The following BHLHE41 variants were observed in gnomAD, a reference collection of about 807,000 sequenced individuals.
BHLHE41 encodes the protein basic helix-loop-helix family member e41.
Under a neutral mutation model 24.0 loss-of-function variants are expected in BHLHE41, and 14 were observed. The ratio of observed to expected loss-of-function variants is 0.58; its 90% CI spans 0.39 to 0.91. The LOEUF (loss-of-function observed/expected upper bound fraction) is 0.91. Among genes scored for constraint, BHLHE41 ranks in the 40% least tolerant of loss-of-function variants. The probability of loss-of-function intolerance (pLI) is 0.00; values close to 1 mark genes in which losing one functional copy is unlikely to be tolerated. For synonymous variants in BHLHE41, 394 were observed against 315.5 expected (o/e 1.25, Z -2.64); for missense variants, 674 against 655.4 (o/e 1.03, Z -0.31).
rs1944308808 is a variant in BHLHE41, at chr12:26,121,929, A to C, written c.*137T>G. 1 of 1,534,038 alleles carries C rather than the reference A, an allele frequency of 6.5e-7. No homozygotes were observed. The highest frequency in any genetic ancestry group is 1.2e-5 in the South Asian group (1 of 82,696). On this transcript the variant is annotated 3_prime_UTR_variant, in exon 5 of 5. Coordinates refer to ENST00000242728, the MANE Select transcript of BHLHE41 (RefSeq NM_030762.3). ...AACACCTGTTTTGTTGTTCTTGTTT[A>C]TGCCTGTCGTGCATCTATTACACTT...
chr12:26,124,872 G>T lies in BHLHE41; in HGVS notation c.-93C>A. On this transcript the variant is annotated 5_prime_UTR_variant, in exon 1 of 5. Transcript: ENST00000242728. The stretch of plus-strand genomic sequence containing the variant: ...GGCTTGGGAGACCTTGGGGGGATCT[G>T]TGCGTCTCCAGTCTCTCTCTCGCTC... The T allele has an allele frequency of 8.1e-7, 1 of 1,237,578 alleles. No homozygotes were observed. Among genetic ancestry groups the T allele is most frequent in the Non-Finnish European group, 1.2e-6 (1 of 842,616 alleles). The allele number at this position is 1,237,578 out of a possible 1,614,324, so 76.7% of individuals were successfully genotyped here.
chr12:26,120,524 A>G lies in BHLHE41; in HGVS notation c.*1542T>C, dbSNP rs1213132338. Reference sequence around the variant, plus strand: ...CAACTTTTCAGCAAATCCTCCCCAAAAGATATTTTAACTCAAAATATCATT... The same window carrying G: ...CAACTTTTCAGCAAATCCTCCCCAAGAGATATTTTAACTCAAAATATCATT... On this transcript the variant is annotated 3_prime_UTR_variant, in exon 5 of 5. Coordinates refer to ENST00000242728, the MANE Select transcript of BHLHE41 (RefSeq NM_030762.3). 1.3e-5 allele frequency: 2 copies of G among 152,646 alleles called. No homozygotes were observed. The highest frequency in any genetic ancestry group is 4.8e-5 in the African/African-American group (2 of 41,454). The allele number at this position is 152,646 out of a possible 1,614,324, so 9.5% of individuals were successfully genotyped here. A position where few individuals can be genotyped will look rare whatever the true frequency, so the allele number is the denominator to read the frequency against.
At position 26,121,557 on chromosome 12, in the gene BHLHE41, T is replaced by G. The variant is rs1195923701; in HGVS notation, c.*509A>C. 5 of 153,552 alleles carry G rather than the reference T, an allele frequency of 3.3e-5. No individual in the cohort carries two copies. Among genetic ancestry groups the G allele is most frequent in the African/African-American group, 1.2e-4 (5 of 41,450 alleles). The allele number at this position is 153,552 out of a possible 1,614,324, so 9.5% of individuals were successfully genotyped here. On this transcript the variant is annotated 3_prime_UTR_variant, in exon 5 of 5. Coordinates refer to ENST00000242728, the MANE Select transcript of BHLHE41 (RefSeq NM_030762.3). ...CTCAATCTGTTTGTGGAACGCCTCCTAAAACAGGCAGGGCAGCTTTGAGAA... is the reference window on the plus strand; with the variant it reads ...CTCAATCTGTTTGTGGAACGCCTCCGAAAACAGGCAGGGCAGCTTTGAGAA...
Position 26,121,891 on chromosome 12 carries a change from C to G in BHLHE41, c.*175G>C, listed in dbSNP as rs1047946880. The G allele has an allele frequency of 2.7e-6, 4 of 1,488,246 alleles. No individual in the cohort carries two copies. Among genetic ancestry groups the G allele is most frequent in the African/African-American group, 1.4e-5 (1 of 71,262 alleles). The allele number at this position is 1,488,246 out of a possible 1,614,324, so 92.2% of individuals were successfully genotyped here. ...TGCGGGATGAGCAAAACAGGAACTC[C>G]GAATGTACACATAACACCTGTTTTG... On this transcript the variant is annotated 3_prime_UTR_variant, in exon 5 of 5. Coordinates refer to ENST00000242728, the MANE Select transcript of BHLHE41 (RefSeq NM_030762.3).
chr12:26,123,855 T>G lies in BHLHE41; in HGVS notation c.235-114A>C, dbSNP rs1944337167. ...AGCAAACACTTTGAAAGAAGTACTG[T>G]TCTTTTACTTCTTGAGCTTTCCACA... On this transcript the variant is annotated intron_variant, in intron 3 of 4. Coordinates refer to ENST00000242728, the MANE Select transcript of BHLHE41 (RefSeq NM_030762.3). The G allele has an allele frequency of 6.2e-6, 5 of 811,896 alleles. No individual in the cohort carries two copies. The Admixed American group carries it at 9.1e-5, about 15-fold the overall frequency. The allele number at this position is 811,896 out of a possible 1,614,324, so 50.3% of individuals were successfully genotyped here.
chr12:26,124,636 G>A (rs375142532), intron 1 of BHLHE41, 54 bp from the exon 2 acceptor site: 358 of 1,609,772 alleles, frequency 2.2e-4, no homozygotes, highest in Non-Finnish European at 2.9e-4. Context: ...CTCTGCCCTC[G>A]CCAGCTCCAT....
chr12:26,122,953 T>G lies in BHLHE41; in HGVS notation c.562A>C (p.Lys188Gln). 1 of 1,557,470 alleles carries G rather than the reference T, an allele frequency of 6.4e-7. No individual in the cohort carries two copies. Among genetic ancestry groups the G allele is most frequent in the Non-Finnish European group, 8.7e-7 (1 of 1,150,260 alleles). The change falls in exon 5 of 5, where the codon AAA (lysine) becomes CAA (glutamine). Residue 188 changes from lysine to glutamine, a missense_variant. Transcript: ENST00000242728. ...GCGGCCGAGGGAGCGCCGGTGCCTT[T>G]GCTCAGAGGGACCTGTTGAGTCAAC... is the stretch of plus-strand genomic sequence containing the variant. Reference protein sequence around the residue: ...QLLTQQVPLSKGTGAPSAAGS... With the variant: ...QLLTQQVPLSQGTGAPSAAGS...
At position 26,121,843 on chromosome 12, in the gene BHLHE41, T is replaced by G; in HGVS notation, c.*223A>C. ...AGCTGGTGGGGGGAAGAAAGGGATG[T>G]TAGTGTGTGGAGGGTGGGGTGGTGC... On this transcript the variant is annotated 3_prime_UTR_variant, in exon 5 of 5. Transcript: ENST00000242728. The G allele has an allele frequency of 1.9e-6, 2 of 1,028,984 alleles. No individual in the cohort carries two copies. The highest frequency in any genetic ancestry group is 1.6e-5 in the African/African-American group (1 of 61,472). 63.7% of individuals were successfully genotyped at this position (1,028,984 alleles called of 1,614,324 possible). A position where few individuals can be genotyped will look rare whatever the true frequency, so the allele number is the denominator to read the frequency against.
rs1944311030 is a variant in BHLHE41, at chr12:26,122,100, T to C, written c.1415A>G (p.Glu472Gly). The change falls in exon 5 of 5, where the codon GAA becomes GGA. Residue 472 changes from glutamate to glycine, a missense_variant. Physicochemically the swap from Glu to Gly is moderately conservative, Grantham distance 98. Around this residue, in one of 3 missense-constraint regions of BHLHE41, gnomAD observed 602 missense variants for 570.8 expected, o/e 1.05. Transcript: ENST00000242728. Reference sequence around the variant, plus strand: ...TTCCTTTCCTGGCTGCGAGGGATCTTCCTGAGCAGAGCTCTCCGGGTTCCC... The same window carrying C: ...TTCCTTTCCTGGCTGCGAGGGATCTCCCTGAGCAGAGCTCTCCGGGTTCCC... The part of the protein sequence containing the change: ...EPGNPESSAQ[E>G]DPSQPGKEAP 2 of 1,549,416 alleles carry C rather than the reference T, an allele frequency of 1.3e-6. No individual in the cohort carries two copies. Among genetic ancestry groups the C allele is most frequent in the Admixed American group, 2.0e-5 (1 of 50,968 alleles).
Position 26,122,698 on chromosome 12 carries a change from C to T in BHLHE41, c.817G>A (p.Asp273Asn). The T allele has an allele frequency of 6.4e-7, 1 of 1,567,598 alleles. No homozygotes were observed. The highest frequency in any genetic ancestry group is 8.6e-7 in the Non-Finnish European group (1 of 1,162,078). The change falls in exon 5 of 5, where the codon GAC becomes AAC. Residue 273 changes from aspartate to asparagine, a missense_variant. Coordinates refer to ENST00000242728, the MANE Select transcript of BHLHE41 (RefSeq NM_030762.3). ...TTCATCCTCTTGGGCGCCGGCGAGT[C>T]CTCCCCGGGAGGCTCCTGCTTGATG... ...VTIKQEPPGE[D>N]SPAPKRMKLD...
chr12:26,122,222 C>CGCG lies in BHLHE41; in HGVS notation c.1290_1292dup (p.Ala431dup), dbSNP rs1375835308. 630 of 1,302,010 alleles carry CGCG rather than the reference C, an allele frequency of 4.8e-4. No individual in the cohort carries two copies. The highest frequency in any genetic ancestry group is 9.2e-4 in the Admixed American group (22 of 23,820). The allele number at this position is 1,302,010 out of a possible 1,614,324, so 80.7% of individuals were successfully genotyped here. On this transcript the variant is annotated inframe_insertion, in exon 5 of 5. Transcript: ENST00000242728. ...GCGCCACCTCGTGCGGCAGGAGGGT[C>CGCG]GCGGCGGCGGCGCCCGCCTTCTCGG... is the stretch of plus-strand genomic sequence containing the variant.
At chr12:26,123,258 C>A (rs1944331259) in intron 4 of BHLHE41, 90 bp from the exon 5 acceptor site, 3 of 1,438,566 alleles carry the variant, frequency 2.1e-6, no homozygotes, top group Non-Finnish European at 2.8e-6. Flanking sequence ...ATCACGTGGG[C>A]CCTGCATCGA....
chr12:26,122,519 G>A lies in BHLHE41; in HGVS notation c.996C>T (p.Gly332=). The A allele has an allele frequency of 1.6e-6, 2 of 1,289,656 alleles. No individual in the cohort carries two copies. Among genetic ancestry groups the A allele is most frequent in the South Asian group, 1.9e-5 (1 of 52,456 alleles). 79.9% of individuals were successfully genotyped at this position (1,289,656 alleles called of 1,614,324 possible). A position where few individuals can be genotyped will look rare whatever the true frequency, so the allele number is the denominator to read the frequency against. The change falls in exon 5 of 5, where the codon GGC becomes GGT. Residue 332 remains glycine (G), a synonymous_variant. Coordinates refer to ENST00000242728, the MANE Select transcript of BHLHE41 (RefSeq NM_030762.3). ...LLSSLVAFGG[G]GGAPFPQPAA... The stretch of plus-strand genomic sequence containing the variant: ...CGGGCTGCGGGAAGGGCGCGCCTCC[G>A]CCTCCGCCGAACGCCACCAGCGAGC...
In BHLHE41 at chr12:26,121,959, C is replaced by T; in HGVS notation, c.*107G>A. ...TGTCGTGCATCTATTACACTTCCTC[C>T]CTTAAAGACCTTAAGGGTATTTTAA... On this transcript the variant is annotated 3_prime_UTR_variant, in exon 5 of 5. Coordinates refer to ENST00000242728, the MANE Select transcript of BHLHE41 (RefSeq NM_030762.3). The T allele has an allele frequency of 2.0e-6, 3 of 1,537,510 alleles. 1 individual carries two copies. Among genetic ancestry groups the T allele is most frequent in the South Asian group, 2.4e-5 (2 of 83,122 alleles).
At chr12:26,123,516 G>C (rs1402095914) in intron 4 of BHLHE41, 114 bp downstream of exon 4, 10 of 824,512 alleles carry the variant, frequency 1.2e-5, no homozygotes, top group Non-Finnish European at 2.1e-5. Context: ...CAAATGAGAG[G>C]GAACCCATGA....
Position 26,122,345 on chromosome 12 carries a change from G to T in BHLHE41, c.1170C>A (p.Pro390=). The T allele has an allele frequency of 8.5e-7, 1 of 1,173,274 alleles. No individual in the cohort carries two copies. The allele number at this position is 1,173,274 out of a possible 1,614,324, so 72.7% of individuals were successfully genotyped here. ...CGGCTGCCGCCGGGGCGGGGATGCC[G>T]GGGTATAGCAGCGGGAACGGGGCGG... is the stretch of plus-strand genomic sequence containing the variant. ...AAAAPFPLLY[P]GIPAPAAAAA... Residue 390 remains proline, a synonymous_variant, in exon 5 of 5, where the codon CCC becomes CCA. Coordinates refer to ENST00000242728, the MANE Select transcript of BHLHE41 (RefSeq NM_030762.3).
In BHLHE41 at chr12:26,124,791, G is replaced by T; in HGVS notation, c.-12C>A. On this transcript the variant is annotated 5_prime_UTR_variant, in exon 1 of 5. Coordinates refer to ENST00000242728, the MANE Select transcript of BHLHE41 (RefSeq NM_030762.3). ...ATTCCTTCGTCCATGTTCAACTGCT[G>T]TTCGTTTCCTCTGTTTCGATTTTTG... 1 of 1,614,154 alleles carries T rather than the reference G, an allele frequency of 6.2e-7. No individual in the cohort carries two copies. Among genetic ancestry groups the T allele is most frequent in the Non-Finnish European group, 8.5e-7 (1 of 1,179,998 alleles).
chr12:26,124,935 G>A lies in BHLHE41; in HGVS notation c.-156C>T, dbSNP rs191728199. ...GCAGTGTTGAAAGTGTGAAGCAGTT[G>A]GTCCCCCCCCTCCACCGCGCTCGCA... On this transcript the variant is annotated 5_prime_UTR_variant, in exon 1 of 5. Coordinates refer to ENST00000242728, the MANE Select transcript of BHLHE41 (RefSeq NM_030762.3). 595 of 780,396 alleles carry A rather than the reference G, an allele frequency of 7.6e-4. 6 individuals are homozygous for A. In the African/African-American group the frequency reaches 9.3e-3, roughly 12 times the overall value. The allele number at this position is 780,396 out of a possible 1,614,324, so 48.3% of individuals were successfully genotyped here. A position where few individuals can be genotyped will look rare whatever the true frequency, so the allele number is the denominator to read the frequency against.
chr12:26,124,431 T>C, intron 2 of BHLHE41, 88 bp downstream of exon 2: 2 of 1,417,820 alleles, frequency 1.4e-6, no homozygotes. Flanking sequence ...GGCTGGAATA[T>C]ATTTGCGGGC....
Sources: gnomAD v4.1 joint callset for allele counts on GRCh38, gnomAD v4.1.1 for gene constraint, gnomAD v4.1.1 regional missense constraint, MANE v1.5 for transcripts, NCBI Gene and HGNC (gene_info 2026-07-23, HGNC 2026-07-21) for gene names.